WDR47: variants seen among roughly 807,000 people sequenced by gnomAD.
WDR47 encodes the protein WD repeat-containing protein 47.
A neutral mutation model predicts 97.2 loss-of-function variants in WDR47; 32 were observed. The observed-to-expected ratio is 0.33, with a 90% confidence interval of 0.25 to 0.44. WDR47 has a LOEUF of 0.44. WDR47 is among the 20% of genes least tolerant of loss of function. WDR47 has a pLI of 1.00. For synonymous variants in WDR47, 375 were observed against 373.5 expected, an observed-to-expected ratio of 1.00 and a Z score of -0.05; for missense variants, 782 against 1,102.3, an observed-to-expected ratio of 0.71 and a Z score of 4.11.
chr1:109,011,529 C>A lies in WDR47; in HGVS notation c.517G>T (p.Ala173Ser). 6.2e-7 allele frequency: 1 copy of A among 1,614,176 alleles called. No homozygotes were observed. Among genetic ancestry groups the A allele is most frequent in the Non-Finnish European group, 8.5e-7 (1 of 1,180,032 alleles). Residue 173 changes from alanine (A) to serine (S), a missense_variant, in exon 5 of 15, where the codon GCA becomes TCA. By Grantham distance (99) the Ala-to-Ser change is moderately conservative. Coordinates refer to ENST00000369962, the MANE Select transcript of WDR47 (RefSeq NM_001142551.2). ...HCFEEACVMV[A>S]EFIPADRKLS... ...TTCCTATCAGCAGGGATGAATTCTG[C>A]AACCATGACACAAGCCTCTTCAAAA...
At chr1:109,031,398 ATC>A (rs1029449346) in intron 1 of WDR47, among the ~76,000 whole-genome samples, 1 of 140,228 alleles carries the variant, frequency 7.1e-6, no homozygotes, top group Non-Finnish European at 1.6e-5. Flanking sequence ...TGCATAAAAT[ATC>A]TCTGGAAAAA....
chr1:109,024,739 G>A (rs1321088238), intron 1 of WDR47: 4 of 152,368 alleles, frequency 2.6e-5, no homozygotes, highest in Non-Finnish European at 5.9e-5. Context: ...CACTAGGGGA[G>A]TAGCCACAAA....
At chr1:108,995,044 G>C (rs1659648291) in intron 8 of WDR47, among the ~76,000 whole-genome samples, 2 of 152,112 alleles carry the variant, frequency 1.3e-5, no homozygotes, top group African/African-American at 4.8e-5. Context: ...TAAGAATATA[G>C]AAAATGCTCC....
In WDR47 at chr1:108,988,574, C is replaced by T. The variant is rs920924047; in HGVS notation, c.1768-1894G>A. Among the ~76,000 whole-genome samples the T allele has an allele frequency of 3.3e-5, 5 of 151,756 alleles. No individual in the cohort carries two copies. The South Asian group carries it at 1.0e-3, about 32-fold the overall frequency. On this transcript the variant is annotated intron_variant, in intron 9 of 14. Transcript: ENST00000369962. ...GCGCATGCCCGTAGTCACAGCTACT[C>T]AGGGCGCTGGGGTGGGGGGATCACT...
Position 109,006,000 on chromosome 1 carries a change from A to G in WDR47, c.1131-1285T>C, listed in dbSNP as rs556167661. 2.0e-5 allele frequency among the ~76,000 whole-genome samples: 3 copies of G among 152,346 alleles called. No individual in the cohort carries two copies. In the East Asian group the frequency reaches 5.8e-4, roughly 29 times the overall value. On this transcript the variant is annotated intron_variant, in intron 5 of 14. Transcript: ENST00000369962. Reference sequence around the variant, plus strand: ...TAATAGGTTGGATAATACAATGCCTAAATTATCTTTATAAAATATAAACTT... The same window carrying G: ...TAATAGGTTGGATAATACAATGCCTGAATTATCTTTATAAAATATAAACTT...
intron 1 of WDR47, among the ~76,000 whole-genome samples, chr1:109,029,868 T>C (rs562609336): frequency 6.8e-6 from 1 of 147,886 alleles, no homozygotes; most frequent in African/African-American, 2.5e-5. Flanking sequence ...AGAGAAAGAC[T>C]TCGTCTCAAA....
chr1:108,985,082 A>G (rs1158055042), intron 10 of WDR47, among the ~76,000 whole-genome samples: 1 of 152,108 alleles, frequency 6.6e-6, no homozygotes, highest in African/African-American at 2.4e-5. Context: ...CCTCTCTCCC[A>G]GTGTCTCCTC....
intron 10 of WDR47, among the ~76,000 whole-genome samples, chr1:108,985,967 TAG>T (rs1047644995): frequency 1.6e-5 from 2 of 128,856 alleles, no homozygotes; most frequent in African/African-American, 6.2e-5. Context: ...GTTTCAGACA[TAG>T]AGATAGCAAA....
chr1:109,014,420 A>G (rs1398000908), intron 3 of WDR47, among the ~76,000 whole-genome samples: 1 of 151,918 alleles, frequency 6.6e-6, no homozygotes, highest in Admixed American at 6.6e-5. Flanking sequence ...CTAGAGACTT[A>G]AAGCTTTTTT....
At chr1:109,031,018 A>G (rs892877693) in intron 1 of WDR47, among the ~76,000 whole-genome samples, 1 of 140,172 alleles carries the variant, frequency 7.1e-6, no homozygotes, top group Non-Finnish European at 1.6e-5. Flanking sequence ...CAGAAAGTAC[A>G]TATTCTTGGG....
intron 13 of WDR47, among the ~76,000 whole-genome samples, chr1:108,977,834 A>G (rs1658035700): frequency 6.6e-6 from 1 of 151,968 alleles, no homozygotes; most frequent in Non-Finnish European, 1.5e-5. Flanking sequence ...AAAAACAAAA[A>G]CGAGCTGGGC....
intron 8 of WDR47, chr1:108,992,504 C>T (rs1214016424): frequency 6.6e-7 from 1 of 1,526,262 alleles, no homozygotes; most frequent in Non-Finnish European, 9.1e-7. Flanking sequence ...GCAGGCCAAG[C>T]AGTGGGGCTG....
At chr1:109,013,639 T>C (rs1322930816) in intron 4 of WDR47, among the ~76,000 whole-genome samples, 1 of 152,216 alleles carries the variant, frequency 6.6e-6, no homozygotes, top group African/African-American at 2.4e-5. Context: ...GCCAGCTATT[T>C]ATATATCTTG....
intron 12 of WDR47, 50 bp downstream of exon 12, chr1:108,982,559 G>T: frequency 3.9e-6 from 6 of 1,537,900 alleles, no homozygotes; most frequent in Non-Finnish European, 5.2e-6. Flanking sequence ...GGAAAAAAAA[G>T]CACAGATTGA....
intron 2 of WDR47, among the ~76,000 whole-genome samples, chr1:109,019,942 G>A (rs1265108217): frequency 6.6e-6 from 1 of 152,110 alleles, no homozygotes; most frequent in African/African-American, 2.4e-5. Flanking sequence ...ATGCTGCAAA[G>A]AAGAAATATT....
chr1:109,041,567 C>G (rs972163975), intron 1 of WDR47: 1 of 152,310 alleles, frequency 6.6e-6, no homozygotes, highest in Non-Finnish European at 1.5e-5. Context: ...CGTCGCTCTG[C>G]CCCCAGAATC....
In WDR47 at chr1:109,014,239, A is replaced by C. The variant is rs1045712736; in HGVS notation, c.243-314T>G. On this transcript the variant is annotated intron_variant, in intron 3 of 14. Coordinates refer to ENST00000369962, the MANE Select transcript of WDR47 (RefSeq NM_001142551.2). ...CTTACATCCTGTTTTTTATTAAAAA[A>C]ATTTTAACAAATAATAGTATATATT... 5.9e-5 allele frequency among the ~76,000 whole-genome samples: 9 copies of C among 152,146 alleles called. No homozygotes were observed. In the South Asian group the frequency reaches 6.2e-4, roughly 10 times the overall value.
At chr1:109,026,585 A>G (rs1485014496) in intron 1 of WDR47, among the ~76,000 whole-genome samples, 1 of 152,106 alleles carries the variant, frequency 6.6e-6, no homozygotes, top group Non-Finnish European at 1.5e-5. Context: ...GGCTTTTACT[A>G]ATTTAACTCT....
intron 13 of WDR47, among the ~76,000 whole-genome samples, chr1:108,980,550 G>T (rs532029668): frequency 2.2e-4 from 34 of 152,122 alleles, no homozygotes; most frequent in Admixed American, 7.2e-4. Context: ...CCAATATGGT[G>T]AAACCCAATC....
Sources: allele counts gnomAD v4.1 joint callset (sites outside exome capture counted in the v4.1 genomes callset), GRCh38; gene constraint gnomAD v4.1.1; transcripts MANE v1.5; gene names NCBI Gene and HGNC (gene_info 2026-07-23, HGNC 2026-07-21).